UBE2H: variants seen among roughly 807,000 people sequenced by gnomAD.
UBE2H encodes the protein ubiquitin conjugating enzyme E2 H.
UBE2H carries 3 observed loss-of-function variants against 29.0 expected under a neutral mutation model. The observed-to-expected ratio is 0.10, with a 90% CI of 0.05 to 0.27. The LOEUF (loss-of-function observed/expected upper bound fraction) is 0.27. Ranked by LOEUF, UBE2H falls within the 10% of genes least tolerant of loss-of-function variation. The pLI is 1.00. For missense variants in UBE2H, 68 were observed against 228.2 expected (o/e 0.30, Z 4.52); for synonymous variants, 69 against 82.9 (o/e 0.83, Z 0.91).
intron 1 of UBE2H, among the ~76,000 whole-genome samples, chr7:129,912,599 GTT>G (rs1806959078): frequency 6.6e-6 from 1 of 152,172 alleles, no homozygotes; most frequent in African/African-American, 2.4e-5. Flanking sequence ...ATGAAACAAA[GTT>G]TGTGTTAAGT....
chr7:129,909,074 A>T (rs1379342247), intron 1 of UBE2H, among the ~76,000 whole-genome samples: 1 of 152,238 alleles, frequency 6.6e-6, no homozygotes, highest in African/African-American at 2.4e-5. Flanking sequence ...TACTAAAAAA[A>T]GTAAGTGCAT....
chr7:129,839,411 C>T, intron 5 of UBE2H, 76 bp from the exon 6 acceptor site: 2 of 1,592,900 alleles, frequency 1.3e-6, no homozygotes, highest in Non-Finnish European at 1.7e-6. Flanking sequence ...AGTAGTCAAG[C>T]TGCTTACCTT....
intron 1 of UBE2H, among the ~76,000 whole-genome samples, chr7:129,919,561 G>T (rs1358757373): frequency 6.6e-6 from 1 of 152,252 alleles, no homozygotes; most frequent in East Asian, 1.9e-4. Context: ...CACCCGGAAT[G>T]CCCCTCAACT....
intron 5 of UBE2H, among the ~76,000 whole-genome samples, chr7:129,855,026 G>A (rs1017542295): frequency 1.3e-5 from 2 of 152,224 alleles, no homozygotes; most frequent in South Asian, 2.1e-4. Context: ...GGTTGCCTAG[G>A]GCGAATAGTT....
At chr7:129,858,779 C>CGAAT in intron 4 of UBE2H, 123 bp downstream of exon 4, 1 of 804,128 alleles carries the variant, frequency 1.2e-6, no homozygotes, top group South Asian at 1.6e-5. Flanking sequence ...TTTACATGAC[C>CGAAT]ATTCATACAG....
At chr7:129,902,263 C>T (rs1222583180) in intron 1 of UBE2H, among the ~76,000 whole-genome samples, 1 of 152,158 alleles carries the variant, frequency 6.6e-6, no homozygotes, top group African/African-American at 2.4e-5. Flanking sequence ...CTTTGGGAGG[C>T]CGAGGCGGAT....
chr7:129,838,975 C>T (rs1189174236), intron 6 of UBE2H, among the ~76,000 whole-genome samples: 2 of 152,154 alleles, frequency 1.3e-5, no homozygotes, highest in Admixed American at 6.5e-5. Flanking sequence ...CATATCCCAT[C>T]AGCACGTAAA....
intron 1 of UBE2H, among the ~76,000 whole-genome samples, chr7:129,912,335 T>A (rs1268305254): frequency 6.6e-6 from 1 of 152,206 alleles, no homozygotes; most frequent in Non-Finnish European, 1.5e-5. Context: ...ATATACATAA[T>A]GACATATCTT....
intron 1 of UBE2H, among the ~76,000 whole-genome samples, chr7:129,898,030 T>C (rs932785703): frequency 2.6e-5 from 4 of 151,988 alleles, no homozygotes; most frequent in African/African-American, 9.7e-5. Context: ...AAAAAACCCA[T>C]AGTGAAAATA....
intron 1 of UBE2H, among the ~76,000 whole-genome samples, chr7:129,922,468 G>A (rs1340819756): frequency 6.6e-6 from 1 of 151,804 alleles, no homozygotes; most frequent in Non-Finnish European, 1.5e-5. Flanking sequence ...GTAGAGATGG[G>A]ATTTCAACAT....
chr7:129,886,414 C>CA (rs1239816519), intron 1 of UBE2H, among the ~76,000 whole-genome samples: 2 of 152,122 alleles, frequency 1.3e-5, no homozygotes, highest in Non-Finnish European at 2.9e-5. Flanking sequence ...ATGTGTCTGT[C>CA]AGAGTTTTAC....
intron 1 of UBE2H, among the ~76,000 whole-genome samples, chr7:129,945,665 T>C (rs1270842947): frequency 6.6e-6 from 1 of 151,994 alleles, no homozygotes; most frequent in Non-Finnish European, 1.5e-5. Flanking sequence ...AGATGTTAAT[T>C]TCAATCTTAT....
At chr7:129,930,923 A>C (rs1322892292) in intron 1 of UBE2H, among the ~76,000 whole-genome samples, 2 of 145,688 alleles carry the variant, frequency 1.4e-5, no homozygotes, top group Non-Finnish European at 3.0e-5. Context: ...AAAAAAAAAA[A>C]AAAAAAAAAA....
rs1584733557 is a variant in UBE2H, at chr7:129,835,321, T to C, written c.428-260A>G. Among the ~76,000 whole-genome samples the C allele has an allele frequency of 2.6e-5, 4 of 152,308 alleles. 1 individual carries two copies. The South Asian group carries it at 8.3e-4, about 32-fold the overall frequency. On this transcript the variant is annotated intron_variant, in intron 6 of 6. Coordinates refer to ENST00000355621, the MANE Select transcript of UBE2H (RefSeq NM_003344.4). Reference sequence around the variant, plus strand: ...AGCAGGCTCAGCTTGCAGGGGAATGTGTGTGCTGCAGCACCCCAAGAACTC... The same window carrying C: ...AGCAGGCTCAGCTTGCAGGGGAATGCGTGTGCTGCAGCACCCCAAGAACTC...
intron 1 of UBE2H, among the ~76,000 whole-genome samples, chr7:129,894,021 G>A (rs1806551791): frequency 6.6e-6 from 1 of 152,170 alleles, no homozygotes; most frequent in Non-Finnish European, 1.5e-5. Context: ...AGGGCATGGA[G>A]GCACACACCT....
chr7:129,836,803 C>A (rs1383244541), intron 6 of UBE2H, among the ~76,000 whole-genome samples: 1 of 144,150 alleles, frequency 6.9e-6, no homozygotes, highest in East Asian at 2.2e-4. Context: ...TCACTTGAAC[C>A]CGGGAGGCAG....
chr7:129,840,521 C>CAGTT (rs1805410229), intron 5 of UBE2H, among the ~76,000 whole-genome samples: 1 of 152,132 alleles, frequency 6.6e-6, no homozygotes, highest in East Asian at 1.9e-4. Flanking sequence ...TATCTACACA[C>CAGTT]AGTTAGCAAA....
intron 5 of UBE2H, chr7:129,857,260 T>C (rs1805723185): frequency 2.0e-6 from 1 of 510,976 alleles, no homozygotes; most frequent in Non-Finnish European, 3.5e-6. Flanking sequence ...CATGTACTCA[T>C]GTGTGTGCAC....
chr7:129,914,353 G>C (rs1003341895), intron 1 of UBE2H, among the ~76,000 whole-genome samples: 2 of 152,048 alleles, frequency 1.3e-5, no homozygotes, highest in African/African-American at 4.8e-5. Context: ...TTTTAGTAGA[G>C]ATGGGGTTTT....
Sources: allele counts gnomAD v4.1 joint callset (sites outside exome capture counted in the v4.1 genomes callset), GRCh38; gene constraint gnomAD v4.1.1; transcripts MANE v1.5; gene names NCBI Gene and HGNC (gene_info 2026-07-23, HGNC 2026-07-21).